The following KMT2C variants were observed in gnomAD, a reference collection of about 807,000 sequenced individuals.
The protein encoded by KMT2C is lysine methyltransferase 2C.
KMT2C carries 88 observed loss-of-function variants against 507.9 expected under a neutral mutation model. The observed-to-expected ratio is 0.17, with a 90% CI of 0.15 to 0.21. The LOEUF is 0.21. Among genes scored for constraint, KMT2C ranks in the 10% least tolerant of loss-of-function variants. KMT2C has a pLI of 1.00. For missense variants in KMT2C, 4,954 were observed against 5,957.8 expected, an observed-to-expected ratio of 0.83 and a Z score of 5.55; for synonymous variants, 2,049 against 2,080.8, an observed-to-expected ratio of 0.98 and a Z score of 0.42.
chr7:152,199,370 T>A lies in KMT2C; in HGVS notation c.4182A>T (p.Leu1394Phe). The change falls in exon 27 of 59, where the codon TTA becomes TTT. Residue 1394 changes from leucine to phenylalanine, a missense_variant. Coordinates refer to ENST00000262189, the MANE Select transcript of KMT2C (RefSeq NM_170606.3). ...AACCTGTGTTCATGTTTGTTTTATA[T>A]AAAAGCTGAGCTCCATCTTCTGACA... ...DNLSEDGAQL[L>F]YKTNMNTGFL... is the part of the protein sequence containing the mutation. 1 of 1,606,490 alleles carries A rather than the reference T, an allele frequency of 6.2e-7. No individual in the cohort carries two copies. The highest frequency in any genetic ancestry group is 8.5e-7 in the Non-Finnish European group (1 of 1,177,412).
rs948864154 is a variant in KMT2C at position 152,426,242 on chromosome 7, T to G, written c.161+9384A>C. On this transcript the variant is annotated intron_variant, in intron 1 of 58. Coordinates refer to ENST00000262189, the MANE Select transcript of KMT2C (RefSeq NM_170606.3). ...ATTTTATGTCATAGTTTTTTTTTTT[T>G]TTTTTTTTTTTGGGAGATAGGGTCT... Among the ~76,000 whole-genome samples the G allele has an allele frequency of 3.4e-5, 5 of 147,576 alleles. No homozygotes were observed. In the East Asian group the frequency reaches 9.8e-4, roughly 29 times the overall value.
intron 18 of KMT2C, among the ~76,000 whole-genome samples, chr7:152,225,928 T>C (rs181546228): frequency 3.9e-4 from 59 of 152,314 alleles, no homozygotes; most frequent in Middle Eastern, 6.8e-3. Context: ...GTATACTGTT[T>C]AGACCTGCAG....
rs1230955155 is a variant in KMT2C at position 152,205,168 on chromosome 7, C to G, written c.3899G>C (p.Arg1300Thr). 1 of 1,611,150 alleles carries G rather than the reference C, an allele frequency of 6.2e-7. No homozygotes were observed. The highest frequency in any genetic ancestry group is 2.2e-5 in the East Asian group (1 of 44,818). Reference sequence around the variant, plus strand: ...TGAGGAATCTTTTCTGATCACAGATCTTTTGGTTTTCCCTTGCCCAGTTCG... The same window carrying G: ...TGAGGAATCTTTTCTGATCACAGATGTTTTGGTTTTCCCTTGCCCAGTTCG... ...RSRTGQGKTK[R>T]SVIRKDSSGS... is the part of the protein sequence containing the mutation. The change falls in exon 25 of 59, where the codon AGA (arginine) becomes ACA (threonine). Residue 1300 changes from arginine to threonine, a missense_variant. Physicochemically the swap from Arg to Thr is moderately conservative, Grantham distance 71. This residue lies in a region of KMT2C where 176 missense variants were observed against 262.0 expected (regional missense o/e 0.67). Transcript: ENST00000262189.
chr7:152,253,431 TTGGGAGGCCAAGA>T (rs1240317978), intron 9 of KMT2C, among the ~76,000 whole-genome samples: 3 of 144,442 alleles, frequency 2.1e-5, no homozygotes, highest in East Asian at 4.1e-4. Flanking sequence ...TCCCAGCACT[TTGGGAGGCCAAGA>T]TGGGAGGATC....
chr7:152,419,089 T>C (rs1257485609), intron 1 of KMT2C, among the ~76,000 whole-genome samples: 2 of 152,000 alleles, frequency 1.3e-5, no homozygotes, highest in African/African-American at 2.4e-5. Flanking sequence ...TGGTGGCTCA[T>C]GTCTGTAATC....
At chr7:152,336,124 T>C (rs2096933035) in intron 2 of KMT2C, among the ~76,000 whole-genome samples, 3 of 152,160 alleles carry the variant, frequency 2.0e-5, no homozygotes, top group Non-Finnish European at 2.9e-5. Context: ...GATTTTGTTG[T>C]TTCAGTCTTG....
intron 18 of KMT2C, among the ~76,000 whole-genome samples, chr7:152,227,630 C>T (rs2094973055): frequency 6.6e-6 from 1 of 152,168 alleles, no homozygotes; most frequent in Non-Finnish European, 1.5e-5. Context: ...CAATCAATGG[C>T]CTCGCTGAGG....
At chr7:152,216,962 C>T (rs1168516014) in intron 23 of KMT2C, among the ~76,000 whole-genome samples, 1 of 152,164 alleles carries the variant, frequency 6.6e-6, no homozygotes, top group Non-Finnish European at 1.5e-5. Context: ...CTCATCAGCA[C>T]AACTATCCTA....
Position 152,252,722 on chromosome 7 carries a change from A to C in KMT2C, c.1300-7T>G. 6.3e-7 allele frequency: 1 copy of C among 1,575,262 alleles called. No individual in the cohort carries two copies. Among genetic ancestry groups the C allele is most frequent in the Non-Finnish European group, 8.7e-7 (1 of 1,154,808 alleles). On this transcript the variant is annotated splice_polypyrimidine_tract_variant and splice_region_variant and intron_variant, in intron 9 of 58. Coordinates refer to ENST00000262189, the MANE Select transcript of KMT2C (RefSeq NM_170606.3). The stretch of plus-strand genomic sequence containing the variant: ...CTATACATATTCTGCAATTCTAAAC[A>C]CCAGGAAAAATAAAAACAAAAACAG...
chr7:152,226,021 T>G (rs1022839894), intron 18 of KMT2C, among the ~76,000 whole-genome samples: 4 of 151,912 alleles, frequency 2.6e-5, no homozygotes, highest in African/African-American at 9.7e-5. Flanking sequence ...AGGATGGAGG[T>G]GTATTTTAAG....
intron 7 of KMT2C, among the ~76,000 whole-genome samples, chr7:152,269,049 A>C (rs541987893): frequency 9.3e-5 from 14 of 149,904 alleles, no homozygotes; most frequent in South Asian, 6.2e-4. Context: ...CCTTTTACTC[A>C]AATTTTTAAC....
rs370700723 is a variant in KMT2C, at chr7:152,250,908, C to T, written c.1680G>A (p.Gln560=). ...GACCGTTGACATCTTTATTAGCTGC[C>T]TGCTCTGAGAATACCATTTGATCTT... ...GPEDQMVFSE[Q]AANKDVNGQE... is the part of the protein sequence containing the mutation. The change falls in exon 12 of 59, where the codon CAG becomes CAA. Residue 560 remains glutamine (Q), a synonymous_variant. Transcript: ENST00000262189. 5.5e-5 allele frequency: 89 copies of T among 1,612,002 alleles called. No individual in the cohort carries two copies. In the South Asian group the frequency reaches 9.2e-4, roughly 17 times the overall value.
chr7:152,200,511 T>A (rs1286289970), intron 26 of KMT2C, among the ~76,000 whole-genome samples: 1 of 152,114 alleles, frequency 6.6e-6, no homozygotes, highest in Non-Finnish European at 1.5e-5. Context: ...GGTGGTTCAC[T>A]TAGGCCCAGG....
chr7:152,346,542 TAAAAAG>T (rs1452259803), intron 2 of KMT2C, among the ~76,000 whole-genome samples: 93 of 152,038 alleles, frequency 6.1e-4, no homozygotes, highest in Admixed American at 1.8e-3. Context: ...TAAATGAAAA[TAAAAAG>T]AAAATTTGTG....
At chr7:152,400,857 C>G (rs2097568148) in intron 1 of KMT2C, among the ~76,000 whole-genome samples, 1 of 126,508 alleles carries the variant, frequency 7.9e-6, no homozygotes, top group Non-Finnish European at 1.6e-5. Flanking sequence ...CTAGCCCAAA[C>G]TGAAGGAAAT....
rs1411816555 is a variant in KMT2C, at chr7:152,250,904, C to G, written c.1684G>C (p.Ala562Pro). The G allele has an allele frequency of 5.6e-6, 9 of 1,611,560 alleles. No homozygotes were observed. The highest frequency in any genetic ancestry group is 7.6e-6 in the Non-Finnish European group (9 of 1,177,894). The part of the protein sequence containing the change: ...EDQMVFSEQA[A>P]NKDVNGQEST... ...TCCTGACCGTTGACATCTTTATTAG[C>G]TGCCTGCTCTGAGAATACCATTTGA... Residue 562 changes from alanine to proline, a missense_variant, in exon 12 of 59, where the codon GCT (alanine) becomes CCT (proline). Ala to Pro is a conservative substitution (Grantham distance 27). Coordinates refer to ENST00000262189, the MANE Select transcript of KMT2C (RefSeq NM_170606.3).
In KMT2C at chr7:152,138,555, C is replaced by T. The variant is rs552238745; in HGVS notation, c.14643+241G>A. Reference sequence around the variant, plus strand: ...CTGGGTGCCATGGGGATGCTGAACCCGTGGCACAGAAGGGAAGGGAGAGGT... The same window carrying T: ...CTGGGTGCCATGGGGATGCTGAACCTGTGGCACAGAAGGGAAGGGAGAGGT... On this transcript the variant is annotated intron_variant, in intron 58 of 58. Coordinates refer to ENST00000262189, the MANE Select transcript of KMT2C (RefSeq NM_170606.3). The surrounding 1 kb of genome is among the most constrained non-coding windows in gnomAD (Gnocchi z 4.2). The T allele has an allele frequency of 4.9e-5, 19 of 390,910 alleles. 2 individuals are homozygous for T. In the South Asian group the frequency reaches 6.7e-4, roughly 14 times the overall value. 24.2% of individuals were successfully genotyped at this position (390,910 alleles called of 1,614,324 possible).
intron 5 of KMT2C, 30 bp from the exon 6 acceptor site, chr7:152,310,105 T>C: frequency 7.1e-7 from 1 of 1,405,640 alleles, no homozygotes. Context: ...AAGGAGCAAA[T>C]GAGCAAACAT....
intron 3 of KMT2C, among the ~76,000 whole-genome samples, chr7:152,326,031 T>C (rs1022911026): frequency 1.1e-4 from 16 of 152,134 alleles, no homozygotes; most frequent in African/African-American, 3.6e-4. Context: ...TAATCATGTA[T>C]CTGTATCTGG....
Sources: allele counts gnomAD v4.1 joint callset (sites outside exome capture counted in the v4.1 genomes callset), GRCh38; gene constraint gnomAD v4.1.1; regional missense constraint gnomAD v4.1.1; non-coding constraint Gnocchi (gnomAD v3.1); transcripts MANE v1.5; gene names NCBI Gene and HGNC (gene_info 2026-07-23, HGNC 2026-07-21).